FGD4: variants seen among roughly 807,000 people sequenced by gnomAD.
FGD4 encodes FYVE, RhoGEF and PH domain containing 4.
Under a neutral mutation model 102.0 loss-of-function variants are expected in FGD4, and 42 were observed. The observed-to-expected ratio is 0.41, with a 90% CI of 0.32 to 0.53. The LOEUF (loss-of-function observed/expected upper bound fraction) is 0.53. FGD4 is among the 20% of genes least tolerant of loss of function. The pLI is 0.21. For synonymous variants in FGD4, 380 were observed against 375.7 expected, an observed-to-expected ratio of 1.01 and a Z score of -0.13; for missense variants, 902 against 1,078.2, an observed-to-expected ratio of 0.84 and a Z score of 2.29.
chr12:32,436,993 C>T (rs2136447622), intron 1 of FGD4, among the ~76,000 whole-genome samples: 1 of 151,724 alleles, frequency 6.6e-6, no homozygotes, highest in South Asian at 2.1e-4. Context: ...CCTGTAGTCC[C>T]AGCTATGTGG....
rs1161987893 is a variant in FGD4, at chr12:32,582,037, G to A, written c.581G>A (p.Gly194Glu). 1 of 1,614,062 alleles carries A rather than the reference G, an allele frequency of 6.2e-7. No individual in the cohort carries two copies. The highest frequency in any genetic ancestry group is 8.5e-7 in the Non-Finnish European group (1 of 1,180,038). Residue 194 changes from glycine to glutamate, a missense_variant, in exon 4 of 17, where the codon GGA becomes GAA. Gly to Glu is a moderately conservative substitution (Grantham distance 98). Around this residue, in one of 2 missense-constraint regions of FGD4, gnomAD observed 443 missense variants for 459.2 expected, o/e 0.96. Coordinates refer to ENST00000534526, the MANE Select transcript of FGD4 (RefSeq NM_001370298.3). ...GCTCCTAGAACCCCAGGAAGGCATG[G>A]ATTGACAACCACACCTCAACAAAAA... The part of the protein sequence containing the change: ...LNAPRTPGRH[G>E]LTTTPQQKLL...
At chr12:32,593,007 G>C (rs567207628) in intron 4 of FGD4, among the ~76,000 whole-genome samples, 12 of 152,282 alleles carry the variant, frequency 7.9e-5, no homozygotes, top group African/African-American at 2.9e-4. Context: ...AAAGATGATA[G>C]TGAGAGCCAA....
intron 1 of FGD4, among the ~76,000 whole-genome samples, chr12:32,420,697 G>T (rs889128498): frequency 1.3e-5 from 2 of 151,982 alleles, no homozygotes; most frequent in Admixed American, 1.3e-4. Flanking sequence ...TGCTTTCACT[G>T]TTGTCAGTCA....
intron 3 of FGD4, among the ~76,000 whole-genome samples, chr12:32,580,548 G>C (rs1430148704): frequency 6.6e-6 from 1 of 152,062 alleles, no homozygotes; most frequent in Non-Finnish European, 1.5e-5. Context: ...ATAGCCCACA[G>C]TTTTGTGCTC....
intron 1 of FGD4, among the ~76,000 whole-genome samples, chr12:32,411,492 C>A (rs1941206393): frequency 6.6e-6 from 1 of 151,916 alleles, no homozygotes; most frequent in Non-Finnish European, 1.5e-5. Context: ...CGAGATCGCG[C>A]CGCCACACTC....
intron 1 of FGD4, among the ~76,000 whole-genome samples, chr12:32,480,965 G>C (rs1281473850): frequency 6.6e-6 from 1 of 150,970 alleles, no homozygotes; most frequent in Non-Finnish European, 1.5e-5. Context: ...GGCCACACCC[G>C]GCCAATGTAA....
At chr12:32,573,077 G>C (rs1945805171) in intron 2 of FGD4, among the ~76,000 whole-genome samples, 1 of 152,164 alleles carries the variant, frequency 6.6e-6, no homozygotes, top group Non-Finnish European at 1.5e-5. Flanking sequence ...TGAAACATGA[G>C]ATCCTGGTTT....
At chr12:32,588,445 C>T (rs1485104592) in intron 4 of FGD4, among the ~76,000 whole-genome samples, 1 of 151,862 alleles carries the variant, frequency 6.6e-6, no homozygotes, top group African/African-American at 2.4e-5. Context: ...AGTGTGAATT[C>T]ACTGTTGTTA....
Position 32,453,225 on chromosome 12 carries a change from AGATATATATATATT to A in FGD4, c.166+53267_166+53280del, listed in dbSNP as rs1565749182. ...TTATATATATATATATATATAATAT[AGATATATATATATT>A]TTTTTTTTTTTAAATGTAGAGCCTC... is the stretch of plus-strand genomic sequence containing the variant. On this transcript the variant is annotated intron_variant, in intron 1 of 16. Coordinates refer to ENST00000534526, the MANE Select transcript of FGD4 (RefSeq NM_001370298.3). Among the ~76,000 whole-genome samples the A allele has an allele frequency of 4.6e-3, 345 of 74,858 alleles. 4 individuals carry two copies. The highest frequency in any genetic ancestry group is 0.035 in the Middle Eastern group (5 of 144). The allele number at this position is 74,858 out of a possible 152,430, so 49.1% of individuals were successfully genotyped here.
At chr12:32,441,111 A>AC (rs753670077) in intron 1 of FGD4, among the ~76,000 whole-genome samples, 7 of 152,096 alleles carry the variant, frequency 4.6e-5, no homozygotes, top group Non-Finnish European at 8.8e-5. Flanking sequence ...GGAACCAGGG[A>AC]CCCCAAGAGC....
intron 1 of FGD4, among the ~76,000 whole-genome samples, chr12:32,461,061 T>G (rs1943093103): frequency 6.6e-6 from 1 of 152,250 alleles, no homozygotes; most frequent in South Asian, 2.1e-4. Context: ...ATCTTATACA[T>G]ATATGATGTG....
At chr12:32,446,553 C>T (rs1942622191) in intron 1 of FGD4, among the ~76,000 whole-genome samples, 3 of 152,034 alleles carry the variant, frequency 2.0e-5, no homozygotes, top group Admixed American at 2.0e-4. Context: ...AGGAACAGTT[C>T]CTGAAATGAG....
At chr12:32,503,910 G>T (rs1938450949) in intron 1 of FGD4, among the ~76,000 whole-genome samples, 1 of 152,120 alleles carries the variant, frequency 6.6e-6, no homozygotes, top group South Asian at 2.1e-4. Context: ...GAGTGAATGG[G>T]TCTGAAGTGT....
chr12:32,500,623 G>A (rs1434230636), intron 1 of FGD4, among the ~76,000 whole-genome samples: 1 of 151,788 alleles, frequency 6.6e-6, no homozygotes, highest in Non-Finnish European at 1.5e-5. Flanking sequence ...TAGTAGAGAC[G>A]GGATTTCACC....
intron 1 of FGD4, among the ~76,000 whole-genome samples, chr12:32,412,030 C>T (rs906752847): frequency 1.3e-5 from 2 of 152,158 alleles, no homozygotes; most frequent in Admixed American, 1.3e-4. Context: ...AACGTGCACA[C>T]GTGAGAATCA....
chr12:32,589,079 A>G (rs966848446), intron 4 of FGD4, among the ~76,000 whole-genome samples: 20 of 152,210 alleles, frequency 1.3e-4, no homozygotes, highest in African/African-American at 4.8e-4. Context: ...CCTCATCTGT[A>G]AAATGGAGAT....
chr12:32,564,073 C>T lies in FGD4; in HGVS notation c.167-64C>T, dbSNP rs1362835846. The T allele has an allele frequency of 2.1e-6, 3 of 1,447,848 alleles. No individual in the cohort carries two copies. The East Asian group carries it at 7.7e-5, about 37-fold the overall frequency. The allele number at this position is 1,447,848 out of a possible 1,614,324, so 89.7% of individuals were successfully genotyped here. A position where few individuals can be genotyped will look rare whatever the true frequency, so the allele number is the denominator to read the frequency against. On this transcript the variant is annotated intron_variant, in intron 1 of 16. Transcript: ENST00000534526. ...AGGGAGTGGGAGAGGGGAAATTTAA[C>T]TTATAAGGCAGTATTGTGATATGCC...
At chr12:32,565,063 G>A (rs1018712241) in intron 2 of FGD4, among the ~76,000 whole-genome samples, 1 of 152,172 alleles carries the variant, frequency 6.6e-6, no homozygotes, top group African/African-American at 2.4e-5. Flanking sequence ...GGCATTGTCA[G>A]AATTACTACA....
At position 32,422,288 on chromosome 12, in the gene FGD4, C is replaced by CTTTTTTTTTTTTTT. The variant is rs770560590; in HGVS notation, c.166+22344_166+22357dup. On this transcript the variant is annotated intron_variant, in intron 1 of 16. Transcript: ENST00000534526. ...TTGAAGCATCTCAAATTGGGAGCTG[C>CTTTTTTTTTTTTTT]TTTTTTTTTTTTTTTTTTTTTTTTT... Among the ~76,000 whole-genome samples, 42 of 54,174 alleles carry CTTTTTTTTTTTTTT rather than the reference C, an allele frequency of 7.8e-4. 7 individuals are homozygous for CTTTTTTTTTTTTTT. Among genetic ancestry groups the CTTTTTTTTTTTTTT allele is most frequent in the South Asian group, 1.6e-3 (2 of 1,278 alleles). The allele number at this position is 54,174 out of a possible 152,430, so 35.5% of individuals were successfully genotyped here.
Sources: gnomAD v4.1 joint callset for allele counts (sites outside exome capture counted in the v4.1 genomes callset) on GRCh38, gnomAD v4.1.1 for gene constraint, gnomAD v4.1.1 regional missense constraint, MANE v1.5 for transcripts, NCBI Gene and HGNC (gene_info 2026-07-23, HGNC 2026-07-21) for gene names.